CC2D2B: variants seen among roughly 807,000 people sequenced by gnomAD.
CC2D2B encodes protein CC2D2B.
A neutral mutation model predicts 161.2 loss-of-function variants in CC2D2B; 128 were observed. The ratio of observed to expected loss-of-function variants is 0.79; its 90% confidence interval spans 0.69 to 0.92. The LOEUF (loss-of-function observed/expected upper bound fraction) is 0.92, where lower values mean the gene tolerates loss of function less well. CC2D2B is among the 40% of genes least tolerant of loss of function. The probability of loss-of-function intolerance (pLI) is 0.00; values close to 1 mark genes in which losing one functional copy is unlikely to be tolerated. For missense variants in CC2D2B, 1,173 were observed against 1,375.1 expected, an observed-to-expected ratio of 0.85 and a Z score of 2.32; for synonymous variants, 391 against 449.8, an observed-to-expected ratio of 0.87 and a Z score of 1.65.
intron 17 of CC2D2B, among the ~76,000 whole-genome samples, chr10:95,981,398 CAAAAAAAAAA>C (rs35175559): frequency 3.4e-5 from 3 of 88,426 alleles, no homozygotes; most frequent in African/African-American, 8.6e-5. Context: ...GACTCCGTCT[CAAAAAAAAAA>C]AAAAAAAAAA....
chr10:95,979,416 C>T (rs1430750904), intron 17 of CC2D2B, among the ~76,000 whole-genome samples: 1 of 152,154 alleles, frequency 6.6e-6, no homozygotes, highest in Non-Finnish European at 1.5e-5. Flanking sequence ...TTTTCCCTCT[C>T]TAGACTCATA....
chr10:95,977,005 C>T (rs2077341031), intron 17 of CC2D2B, among the ~76,000 whole-genome samples: 1 of 152,214 alleles, frequency 6.6e-6, no homozygotes, highest in Non-Finnish European at 1.5e-5. Flanking sequence ...CTGGCTCCAC[C>T]TCCCAAAGTG....
At chr10:95,979,154 C>T (rs1364448537) in intron 17 of CC2D2B, among the ~76,000 whole-genome samples, 1 of 148,588 alleles carries the variant, frequency 6.7e-6, no homozygotes, top group African/African-American at 2.5e-5. Flanking sequence ...TTGATTTATA[C>T]GTTTCTGGGT....
rs1485142507 is a variant in CC2D2B, at chr10:95,918,296, A to G, written c.37-3720A>G. On this transcript the variant is annotated intron_variant, in intron 2 of 34. Coordinates refer to ENST00000646931, the MANE Select transcript of CC2D2B (RefSeq NM_001349008.3). ...GTCCCTTTAACATTTCTTGCAGAAC[A>G]GATTTGGTGTTGACAAAATCCCTCA... 3.3e-5 allele frequency among the ~76,000 whole-genome samples: 5 copies of G among 152,186 alleles called. No homozygotes were observed. In the South Asian group the frequency reaches 8.3e-4, roughly 25 times the overall value.
intron 9 of CC2D2B, among the ~76,000 whole-genome samples, chr10:95,939,209 G>A (rs1231471180): frequency 6.6e-6 from 1 of 152,024 alleles, no homozygotes; most frequent in Non-Finnish European, 1.5e-5. Flanking sequence ...GATACTCAAG[G>A]TAGCCACTAT....
At chr10:95,914,609 A>G (rs1263130493) in intron 2 of CC2D2B, among the ~76,000 whole-genome samples, 1 of 152,180 alleles carries the variant, frequency 6.6e-6, no homozygotes, top group Non-Finnish European at 1.5e-5. Flanking sequence ...TGAGTCTCAC[A>G]AGATCTGATG....
intron 4 of CC2D2B, 116 bp from the exon 5 acceptor site, chr10:95,924,663 C>A: frequency 1.4e-6 from 1 of 704,696 alleles, no homozygotes; most frequent in Non-Finnish European, 2.4e-6. Flanking sequence ...TGTACACATA[C>A]CACACTTTTT....
intron 2 of CC2D2B, chr10:95,921,320 C>T (rs2098526727): frequency 6.6e-6 from 1 of 152,248 alleles, no homozygotes; most frequent in African/African-American, 2.4e-5. Context: ...GCAAAGTCCC[C>T]CAATCACTTA....
At chr10:95,962,860 G>A (rs1564622003) in intron 12 of CC2D2B, among the ~76,000 whole-genome samples, 1 of 143,006 alleles carries the variant, frequency 7.0e-6, no homozygotes, top group Non-Finnish European at 1.5e-5. Flanking sequence ...TAATGTAAAT[G>A]TAATGACTTG....
chr10:95,993,900 A>ATG (rs1270650458), intron 22 of CC2D2B, among the ~76,000 whole-genome samples: 74 of 40,032 alleles, frequency 1.8e-3, no homozygotes, highest in South Asian at 4.6e-3. Context: ...GAGAGAGAGA[A>ATG]TGTGTGTGTG....
At chr10:96,013,548 T>G (rs1000759250) in intron 28 of CC2D2B, among the ~76,000 whole-genome samples, 4 of 151,734 alleles carry the variant, frequency 2.6e-5, no homozygotes, top group Non-Finnish European at 5.9e-5. Flanking sequence ...ACATGCACCC[T>G]GTGCAGTCAG....
chr10:95,996,526 C>T (rs2078236547), intron 24 of CC2D2B, among the ~76,000 whole-genome samples: 1 of 152,092 alleles, frequency 6.6e-6, no homozygotes, highest in Non-Finnish European at 1.5e-5. Context: ...ATTACCAACA[C>T]CTTAGAAGGC....
rs1281745619 is a variant in CC2D2B, at chr10:96,033,004, TAAAAG to T, written c.*1000_*1004del. On this transcript the variant is annotated 3_prime_UTR_variant, in exon 35 of 35. Coordinates refer to ENST00000646931, the MANE Select transcript of CC2D2B (RefSeq NM_001349008.3). Reference sequence around the variant, plus strand: ...TCTAGTTTATTGTTTTGTCCTTCATTAAAAGAAATGTGTTTATATAATTTACTTAC... The same window carrying T: ...TCTAGTTTATTGTTTTGTCCTTCATTAAATGTGTTTATATAATTTACTTAC... Among the ~76,000 whole-genome samples the T allele has an allele frequency of 1.3e-5, 2 of 152,184 alleles. No homozygotes were observed. Among genetic ancestry groups the T allele is most frequent in the East Asian group, 1.9e-4 (1 of 5,204 alleles).
Position 96,004,296 on chromosome 10 carries a change from CA to C in CC2D2B, c.2946+51del, listed in dbSNP as rs749892677. 3 of 982,182 alleles carry C rather than the reference CA, an allele frequency of 3.1e-6. No individual in the cohort carries two copies. The Admixed American group carries it at 8.0e-5, about 26-fold the overall frequency. 60.8% of individuals were successfully genotyped at this position (982,182 alleles called of 1,614,324 possible). A position where few individuals can be genotyped will look rare whatever the true frequency, so the allele number is the denominator to read the frequency against. On this transcript the variant is annotated intron_variant, in intron 25 of 34. Transcript: ENST00000646931. ...GCCAATGCTGAAATAATTCTAAGGT[CA>C]AACTGAATGAAGTCTACTAACATGT...
chr10:95,982,498 C>T (rs1370797044), intron 18 of CC2D2B, among the ~76,000 whole-genome samples: 1 of 152,188 alleles, frequency 6.6e-6, no homozygotes, highest in African/African-American at 2.4e-5. Context: ...GTCACCTCTA[C>T]TCTTCTTTAT....
intron 17 of CC2D2B, among the ~76,000 whole-genome samples, chr10:95,981,432 T>G (rs1208008547): frequency 6.6e-6 from 1 of 151,008 alleles, no homozygotes; most frequent in Non-Finnish European, 1.5e-5. Flanking sequence ...GATTATCTCA[T>G]ATGACCAAGG....
At chr10:96,013,361 A>G (rs2079066904) in intron 28 of CC2D2B, among the ~76,000 whole-genome samples, 1 of 151,632 alleles carries the variant, frequency 6.6e-6, no homozygotes, top group Non-Finnish European at 1.5e-5. Flanking sequence ...AATAATTGTG[A>G]TAGATTTTGA....
Position 96,033,448 on chromosome 10 carries a change from T to A in CC2D2B, c.*1440T>A, listed in dbSNP as rs932609625. 4.6e-5 allele frequency among the ~76,000 whole-genome samples: 7 copies of A among 152,234 alleles called. No homozygotes were observed. Among genetic ancestry groups the A allele is most frequent in the Non-Finnish European group, 1.0e-4 (7 of 68,040 alleles). On this transcript the variant is annotated 3_prime_UTR_variant, in exon 35 of 35. Coordinates refer to ENST00000646931, the MANE Select transcript of CC2D2B (RefSeq NM_001349008.3). Reference sequence around the variant, plus strand: ...TTTTACTTTTATTTGAATGTTTTTGTTTAAATTTAATGTGAAGTTTTATTA... The same window carrying A: ...TTTTACTTTTATTTGAATGTTTTTGATTAAATTTAATGTGAAGTTTTATTA...
intron 12 of CC2D2B, among the ~76,000 whole-genome samples, chr10:95,962,579 T>A (rs1485306322): frequency 3.9e-5 from 6 of 152,114 alleles, no homozygotes; most frequent in African/African-American, 1.4e-4. Flanking sequence ...AACCATGTCT[T>A]ATGGAGGAAA....
Sources: allele counts gnomAD v4.1 joint callset (sites outside exome capture counted in the v4.1 genomes callset), GRCh38; gene constraint gnomAD v4.1.1; transcripts MANE v1.5; gene names NCBI Gene and HGNC (gene_info 2026-07-23, HGNC 2026-07-21).